Variants in YPEL1 observed in about 807,000 individuals in gnomAD.
YPEL1 encodes protein yippee-like 1.
A neutral mutation model predicts 17.3 loss-of-function variants in YPEL1; 7 were observed. The ratio of observed to expected loss-of-function variants is 0.40; its 90% CI spans 0.23 to 0.76. The LOEUF is 0.76. Among genes scored for constraint, YPEL1 ranks in the 30% least tolerant of loss-of-function variants. The probability of loss-of-function intolerance (pLI) is 0.35; values close to 1 mark genes in which losing one functional copy is unlikely to be tolerated. For synonymous variants in YPEL1, 59 were observed against 59.6 expected (o/e 0.99, Z 0.05); for missense variants, 91 against 155.5 (o/e 0.59, Z 2.21).
intron 2 of YPEL1, chr22:21,704,202 G>A: frequency 2.8e-6 from 2 of 717,106 alleles, no homozygotes; most frequent in Non-Finnish European, 5.2e-6. Context: ...CCTTAGAGGA[G>A]TTCTGAGAGG....
At chr22:21,717,224 A>G (rs1434739781) in intron 1 of YPEL1, among the ~76,000 whole-genome samples, 2 of 151,962 alleles carry the variant, frequency 1.3e-5, no homozygotes, top group Non-Finnish European at 2.9e-5. Flanking sequence ...AAAAATACAA[A>G]AATTAGCCGG....
At chr22:21,718,120 C>G (rs2068245184) in intron 1 of YPEL1, among the ~76,000 whole-genome samples, 1 of 119,438 alleles carries the variant, frequency 8.4e-6, no homozygotes. Flanking sequence ...ATGAGTGAGA[C>G]TCTGTCTCAA....
chr22:21,721,123 T>G (rs2068277666), intron 1 of YPEL1, among the ~76,000 whole-genome samples: 1 of 149,832 alleles, frequency 6.7e-6, no homozygotes. Flanking sequence ...CATTTTGGGT[T>G]TTTTGGGGGG....
intron 1 of YPEL1, among the ~76,000 whole-genome samples, chr22:21,723,690 A>ACT (rs1555905402): frequency 2.8e-5 from 4 of 144,744 alleles, no homozygotes; most frequent in African/African-American, 1.0e-4. Context: ...ATTTTAATTA[A>ACT]TTTTTTTTTT....
chr22:21,725,534 T>C (rs1462995433), intron 1 of YPEL1, among the ~76,000 whole-genome samples: 1 of 151,794 alleles, frequency 6.6e-6, no homozygotes, highest in Non-Finnish European at 1.5e-5. Context: ...CAGCCTAAAA[T>C]GATAAAATTT....
Position 21,698,610 on chromosome 22 carries a change from G to C in YPEL1, c.*2519C>G, listed in dbSNP as rs374353985. On this transcript the variant is annotated 3_prime_UTR_variant, in exon 5 of 5. Coordinates refer to ENST00000339468, the MANE Select transcript of YPEL1 (RefSeq NM_013313.5). Reference sequence around the variant, plus strand: ...GGAATGAAGACTCACTCAAAGGGAAGGGTCAGTTTAAGATAAGTTTTCAGT... The same window carrying C: ...GGAATGAAGACTCACTCAAAGGGAACGGTCAGTTTAAGATAAGTTTTCAGT... The C allele has an allele frequency of 1.3e-5, 2 of 152,372 alleles. No homozygotes were observed. The highest frequency in any genetic ancestry group is 4.8e-5 in the African/African-American group (2 of 41,458). The allele number at this position is 152,372 out of a possible 1,614,324, so 9.4% of individuals were successfully genotyped here.
At chr22:21,710,606 T>G in intron 2 of YPEL1, 22 bp downstream of exon 2, 1 of 1,585,638 alleles carries the variant, frequency 6.3e-7, no homozygotes, top group Non-Finnish European at 8.7e-7. Flanking sequence ...GTGCCATCAA[T>G]TTTTTGGCAT....
In YPEL1 at chr22:21,699,813, A is replaced by G. The variant is rs2068046389; in HGVS notation, c.*1316T>C. 6.6e-6 allele frequency: 1 copy of G among 152,610 alleles called. No homozygotes were observed. Among genetic ancestry groups the G allele is most frequent in the African/African-American group, 2.4e-5 (1 of 41,428 alleles). 9.5% of individuals were successfully genotyped at this position (152,610 alleles called of 1,614,324 possible). Reference sequence around the variant, plus strand: ...CGGTCCAGTGTGTTACTCTATAGACATGGACCAGCCACTCAGCAACTGCCT... The same window carrying G: ...CGGTCCAGTGTGTTACTCTATAGACGTGGACCAGCCACTCAGCAACTGCCT... On this transcript the variant is annotated 3_prime_UTR_variant, in exon 5 of 5. Transcript: ENST00000339468.
chr22:21,713,086 C>T (rs1188193191), intron 1 of YPEL1, among the ~76,000 whole-genome samples: 2 of 152,128 alleles, frequency 1.3e-5, no homozygotes, highest in Non-Finnish European at 2.9e-5. Context: ...TCTAGGACGG[C>T]TACTATCAAC....
chr22:21,705,566 G>A (rs998539744), intron 2 of YPEL1, among the ~76,000 whole-genome samples: 6 of 152,138 alleles, frequency 3.9e-5, no homozygotes, highest in East Asian at 1.9e-4. Context: ...ACTGAAACAC[G>A]ATTTGACAAT....
chr22:21,705,096 G>A (rs1165776646), intron 2 of YPEL1, among the ~76,000 whole-genome samples: 1 of 152,164 alleles, frequency 6.6e-6, no homozygotes, highest in East Asian at 1.9e-4. Context: ...CTCTCCAGTA[G>A]CTAGGACTAC....
rs2068081666 is a variant in YPEL1, at chr22:21,703,115, T to TA, written c.270+254dup. Among the ~76,000 whole-genome samples the TA allele has an allele frequency of 1.3e-5, 2 of 152,158 alleles. No individual in the cohort carries two copies. The highest frequency in any genetic ancestry group is 3.9e-4 in the East Asian group (2 of 5,142). ...CGGGCTGGGTGCAGAGAGCCTGGCT[T>TA]AGGAAGAAACAGGGCTTGAAAACAT... On this transcript the variant is annotated intron_variant, in intron 4 of 4. Coordinates refer to ENST00000339468, the MANE Select transcript of YPEL1 (RefSeq NM_013313.5). The surrounding 1 kb of genome is among the most constrained non-coding windows in gnomAD (Gnocchi z 6.1).
chr22:21,726,812 C>T (rs999378449), intron 1 of YPEL1, among the ~76,000 whole-genome samples: 4 of 152,252 alleles, frequency 2.6e-5, no homozygotes, highest in African/African-American at 9.6e-5. Flanking sequence ...ACAGATGCAG[C>T]GACAAGCTCA....
chr22:21,732,723 A>G (rs990341336), intron 1 of YPEL1, among the ~76,000 whole-genome samples: 2 of 151,914 alleles, frequency 1.3e-5, no homozygotes, highest in Admixed American at 1.3e-4. Flanking sequence ...CGGAGGCTGC[A>G]CTGAGCCGAG....
intron 1 of YPEL1, among the ~76,000 whole-genome samples, chr22:21,731,993 C>T (rs911901640): frequency 1.3e-5 from 2 of 152,214 alleles, no homozygotes; most frequent in African/African-American, 4.8e-5. Flanking sequence ...ATCCCGGCCC[C>T]GGCCCAAGGC....
chr22:21,721,692 G>A (rs1477734749), intron 1 of YPEL1, among the ~76,000 whole-genome samples: 1 of 152,192 alleles, frequency 6.6e-6, no homozygotes, highest in Non-Finnish European at 1.5e-5. Flanking sequence ...CCAAAGGGCT[G>A]GGATTACAGG....
In YPEL1 at chr22:21,723,525, A is replaced by C. The variant is rs142775673; in HGVS notation, c.-165+12090T>G. On this transcript the variant is annotated intron_variant, in intron 1 of 4. Coordinates refer to ENST00000339468, the MANE Select transcript of YPEL1 (RefSeq NM_013313.5). Reference sequence around the variant, plus strand: ...TGGGATTACAGGTGCAGGCCATTACATTCAGCTAATTTTTGCATTTTTAGG... The same window carrying C: ...TGGGATTACAGGTGCAGGCCATTACCTTCAGCTAATTTTTGCATTTTTAGG... Among the ~76,000 whole-genome samples, 33 of 151,814 alleles carry C rather than the reference A, an allele frequency of 2.2e-4. No homozygotes were observed. In the East Asian group the frequency reaches 5.1e-3, roughly 23 times the overall value.
chr22:21,723,958 C>T (rs1323564912), intron 1 of YPEL1, among the ~76,000 whole-genome samples: 19 of 152,168 alleles, frequency 1.2e-4, no homozygotes, highest in Admixed American at 7.2e-4. Flanking sequence ...TGAGCCACCA[C>T]GCCTGGCCTG....
intron 1 of YPEL1, among the ~76,000 whole-genome samples, chr22:21,724,598 TG>T (rs2068315654): frequency 6.6e-6 from 1 of 151,492 alleles, no homozygotes; most frequent in South Asian, 2.1e-4. Flanking sequence ...GTTTTTGTTT[TG>T]AGACAGGGTC....
Sources: gnomAD v4.1 joint callset for allele counts (sites outside exome capture counted in the v4.1 genomes callset) on GRCh38, gnomAD v4.1.1 for gene constraint, Gnocchi (gnomAD v3.1) non-coding constraint, MANE v1.5 for transcripts, NCBI Gene and HGNC (gene_info 2026-07-23, HGNC 2026-07-21) for gene names.